AUTS2: variants seen among roughly 807,000 people sequenced by gnomAD.
AUTS2 encodes autism susceptibility gene 2 protein.
In AUTS2, 17 loss-of-function variants were observed where a neutral mutation model predicts 112.4. The observed-to-expected ratio is 0.15, with a 90% CI of 0.10 to 0.23. The LOEUF (loss-of-function observed/expected upper bound fraction) is 0.23, where lower values mean the gene tolerates loss of function less well. Among genes scored for constraint, AUTS2 ranks in the 10% least tolerant of loss-of-function variants. The pLI is 1.00. For missense variants in AUTS2, 1,510 were observed against 1,701.6 expected (o/e 0.89, Z 1.98); for synonymous variants, 751 against 702.7 (o/e 1.07, Z -1.09).
chr7:70,223,253 A>G (rs977641124), intron 4 of AUTS2, among the ~76,000 whole-genome samples: 2 of 152,200 alleles, frequency 1.3e-5, no homozygotes, highest in East Asian at 1.9e-4. Context: ...TTTGTGACAC[A>G]TGGAAAATAA....
At chr7:70,628,842 C>T (rs549649665) in intron 5 of AUTS2, among the ~76,000 whole-genome samples, 296 of 152,018 alleles carry the variant, frequency 1.9e-3, no homozygotes, top group Non-Finnish European at 3.2e-3. Context: ...GACCTCTGGG[C>T]GCCATTTCTG....
intron 4 of AUTS2, among the ~76,000 whole-genome samples, chr7:70,286,215 CT>C (rs1485545020): frequency 6.6e-6 from 1 of 152,180 alleles, no homozygotes; most frequent in Non-Finnish European, 1.5e-5. Flanking sequence ...GAACGGCAAC[CT>C]TGTGCAGGGT....
chr7:70,545,922 G>C (rs1265150613), intron 5 of AUTS2, among the ~76,000 whole-genome samples: 3 of 152,188 alleles, frequency 2.0e-5, no homozygotes, highest in African/African-American at 7.2e-5. Context: ...CATTGTGTAA[G>C]TCTGGAAATG....
intron 4 of AUTS2, among the ~76,000 whole-genome samples, chr7:70,212,350 G>A (rs1015105452): frequency 2.0e-5 from 3 of 152,172 alleles, no homozygotes; most frequent in African/African-American, 4.8e-5. Flanking sequence ...CATCTGCTTA[G>A]CAGTTTCACC....
chr7:70,003,230 T>A (rs972842045), intron 2 of AUTS2, among the ~76,000 whole-genome samples: 1 of 133,730 alleles, frequency 7.5e-6, no homozygotes, highest in African/African-American at 2.8e-5. Flanking sequence ...TATGAATATA[T>A]TATATATGAA....
intron 5 of AUTS2, among the ~76,000 whole-genome samples, chr7:70,656,776 A>G (rs896011226): frequency 4.6e-5 from 7 of 152,178 alleles, no homozygotes; most frequent in South Asian, 2.1e-4. Context: ...CATCGTAGCC[A>G]CAGATAACCC....
chr7:70,679,439 A>C (rs566573644), intron 5 of AUTS2, among the ~76,000 whole-genome samples: 6 of 152,314 alleles, frequency 3.9e-5, no homozygotes, highest in South Asian at 4.1e-4. Flanking sequence ...CCTGGATCCC[A>C]CAGCCCTTAA....
intron 15 of AUTS2, chr7:70,782,729 T>G (rs1791172366): frequency 6.6e-6 from 1 of 152,208 alleles, no homozygotes; most frequent in Non-Finnish European, 1.5e-5. Flanking sequence ...TTTCTGATCC[T>G]TACGAGACAA....
In AUTS2 at chr7:69,775,218, A is replaced by G. The variant is rs1055049431; in HGVS notation, c.310-124068A>G. Reference sequence around the variant, plus strand: ...CACTCCATTCCTTCTCAGGACACTTATCTTCTTGGTGGCTAATGGCAGGGT... The same window carrying G: ...CACTCCATTCCTTCTCAGGACACTTGTCTTCTTGGTGGCTAATGGCAGGGT... On this transcript the variant is annotated intron_variant, in intron 1 of 18. Transcript: ENST00000342771. 7.9e-5 allele frequency among the ~76,000 whole-genome samples: 12 copies of G among 152,118 alleles called. No individual in the cohort carries two copies. The South Asian group carries it at 2.3e-3, about 29-fold the overall frequency.
At chr7:69,985,378 G>A (rs1442624215) in intron 2 of AUTS2, among the ~76,000 whole-genome samples, 1 of 152,114 alleles carries the variant, frequency 6.6e-6, no homozygotes, top group African/African-American at 2.4e-5. Flanking sequence ...AAATAGAAGT[G>A]GTGGTACAAA....
intron 5 of AUTS2, among the ~76,000 whole-genome samples, chr7:70,491,589 T>TTGTGTGTGTGTGTGTGTG (rs71077660): frequency 7.2e-6 from 1 of 138,804 alleles, no homozygotes; most frequent in Non-Finnish European, 1.5e-5. Context: ...TGTATATATA[T>TTGTGTGTGTGTGTGTGTG]TGTGTGTGTG....
At chr7:70,363,562 TTAAGA>T (rs1417909970) in intron 4 of AUTS2, among the ~76,000 whole-genome samples, 4 of 151,970 alleles carry the variant, frequency 2.6e-5, no homozygotes, top group Non-Finnish European at 5.9e-5. Flanking sequence ...TTTATTTAAA[TTAAGA>T]TATTTATGCA....
intron 1 of AUTS2, among the ~76,000 whole-genome samples, chr7:69,773,295 G>A (rs210600): frequency 0.25 from 38,244 of 151,864 alleles, 4,967 homozygotes; most frequent in Admixed American, 0.31. Context: ...AAGGCAGGCA[G>A]ATCACTCAAG....
chr7:70,411,147 G>T (rs991261803), intron 4 of AUTS2, among the ~76,000 whole-genome samples: 1 of 152,012 alleles, frequency 6.6e-6, no homozygotes, highest in Non-Finnish European at 1.5e-5. Flanking sequence ...TTACAGGCAC[G>T]AGCCACCGCA....
chr7:70,569,194 C>A (rs1464478055), intron 5 of AUTS2, among the ~76,000 whole-genome samples: 1 of 152,158 alleles, frequency 6.6e-6, no homozygotes, highest in Non-Finnish European at 1.5e-5. Context: ...CTGGCGGTCC[C>A]CATGGACTGT....
At chr7:70,329,995 G>A (rs1420918755) in intron 4 of AUTS2, among the ~76,000 whole-genome samples, 1 of 152,126 alleles carries the variant, frequency 6.6e-6, no homozygotes. Context: ...GAAGCCTCTT[G>A]TATAAAGGCC....
intron 6 of AUTS2, among the ~76,000 whole-genome samples, chr7:70,727,876 A>T (rs954039539): frequency 1.3e-5 from 2 of 152,210 alleles, no homozygotes; most frequent in African/African-American, 4.8e-5. Context: ...GATAAGTGTG[A>T]TTGGACAAAG....
intron 1 of AUTS2, among the ~76,000 whole-genome samples, chr7:69,861,614 A>G (rs1792987918): frequency 6.6e-6 from 1 of 152,236 alleles, no homozygotes; most frequent in Admixed American, 6.5e-5. Context: ...TAAATTACCA[A>G]TGGCAGATTT....
Position 69,881,139 on chromosome 7 carries a change from T to C in AUTS2, c.310-18147T>C, listed in dbSNP as rs1228137263. On this transcript the variant is annotated intron_variant, in intron 1 of 18. Coordinates refer to ENST00000342771, the MANE Select transcript of AUTS2 (RefSeq NM_015570.4). ...TTAGAACTTTACAGCACTCTATAAATTATAGTTTTTGCAGCATTCACAGCC... is the reference window on the plus strand; with the variant it reads ...TTAGAACTTTACAGCACTCTATAAACTATAGTTTTTGCAGCATTCACAGCC... 2.6e-5 allele frequency among the ~76,000 whole-genome samples: 4 copies of C among 152,204 alleles called. No individual in the cohort carries two copies. In the East Asian group the frequency reaches 5.8e-4, roughly 22 times the overall value.
Sources: allele counts gnomAD v4.1 joint callset (sites outside exome capture counted in the v4.1 genomes callset), GRCh38; gene constraint gnomAD v4.1.1; transcripts MANE v1.5; gene names NCBI Gene and HGNC (gene_info 2026-07-23, HGNC 2026-07-21).